The following FGF14 variants were observed in gnomAD, a reference collection of about 807,000 sequenced individuals.
FGF14 encodes fibroblast growth factor 14.
In FGF14, 5 loss-of-function variants were observed where a neutral mutation model predicts 25.5. The ratio of observed to expected loss-of-function variants is 0.20; its 90% CI spans 0.10 to 0.41. The LOEUF is 0.41. FGF14 is among the 10% of genes least tolerant of loss of function. The probability of loss-of-function intolerance (pLI) is 1.00; values close to 1 mark genes in which losing one functional copy is unlikely to be tolerated. For synonymous variants in FGF14, 138 were observed against 118.3 expected (o/e 1.17, Z -1.08); for missense variants, 222 against 320.1 (o/e 0.69, Z 2.34).
At chr13:102,308,005 G>A (rs181290857) in intron 1 of FGF14, among the ~76,000 whole-genome samples, 2 of 152,134 alleles carry the variant, frequency 1.3e-5, no homozygotes, top group African/African-American at 2.4e-5. Context: ...AAATAGTGCT[G>A]CTAAAGCCAG....
At chr13:102,157,633 G>A (rs2047407772) in intron 1 of FGF14, among the ~76,000 whole-genome samples, 1 of 152,130 alleles carries the variant, frequency 6.6e-6, no homozygotes. Flanking sequence ...AAAAGCAATG[G>A]CAACAAAAGC....
chr13:102,108,997 T>TG (rs5806267), intron 1 of FGF14, among the ~76,000 whole-genome samples: 107,300 of 152,022 alleles, frequency 0.71, 38,164 homozygotes, highest in African/African-American at 0.79. Context: ...CTAGGTTTCA[T>TG]GATGGTCATG....
chr13:102,029,022 C>T (rs956404484), intron 1 of FGF14, among the ~76,000 whole-genome samples: 3 of 151,956 alleles, frequency 2.0e-5, no homozygotes, highest in African/African-American at 4.8e-5. Flanking sequence ...CACAGCTCAT[C>T]GGTACAGAAA....
intron 1 of FGF14, among the ~76,000 whole-genome samples, chr13:102,136,184 C>T (rs904229940): frequency 6.6e-6 from 1 of 151,938 alleles, no homozygotes; most frequent in Non-Finnish European, 1.5e-5. Flanking sequence ...TTATTCATAT[C>T]TAGAATGCAA....
At chr13:102,127,400 A>G (rs2045993690) in intron 1 of FGF14, among the ~76,000 whole-genome samples, 1 of 152,146 alleles carries the variant, frequency 6.6e-6, no homozygotes, top group Non-Finnish European at 1.5e-5. Context: ...AGAAAAACCA[A>G]TGAACTTGGA....
intron 1 of FGF14, among the ~76,000 whole-genome samples, chr13:102,120,986 G>C (rs2045698984): frequency 6.6e-6 from 1 of 152,194 alleles, no homozygotes; most frequent in Admixed American, 6.5e-5. Context: ...TTACAGGCAT[G>C]AGCCACCGCG....
At chr13:101,835,040 T>C (rs943780352) in intron 3 of FGF14, among the ~76,000 whole-genome samples, 5 of 152,180 alleles carry the variant, frequency 3.3e-5, no homozygotes, top group Middle Eastern at 3.4e-3. Flanking sequence ...AGAAAGAATT[T>C]GTAAATCATG....
intron 1 of FGF14, chr13:102,373,805 T>C (rs2057955206): frequency 6.6e-6 from 1 of 152,162 alleles, no homozygotes; most frequent in African/African-American, 2.4e-5. Context: ...GAAAAACATT[T>C]TGTAGAGATC....
chr13:101,817,428 T>G (rs1277945970), intron 3 of FGF14, among the ~76,000 whole-genome samples: 2 of 152,196 alleles, frequency 1.3e-5, no homozygotes, highest in Non-Finnish European at 2.9e-5. Context: ...TTTTTGAGAC[T>G]TATCTTCAAA....
chr13:101,778,965 T>A (rs967659812), intron 3 of FGF14: 1 of 151,938 alleles, frequency 6.6e-6, no homozygotes, highest in African/African-American at 2.4e-5. Context: ...ATCACGGAAA[T>A]CAGCACATCA....
At chr13:101,990,215 G>T (rs1053792962) in intron 1 of FGF14, among the ~76,000 whole-genome samples, 12 of 152,034 alleles carry the variant, frequency 7.9e-5, no homozygotes, top group African/African-American at 2.7e-4. Flanking sequence ...CACCAAACAT[G>T]GCAGACATGG....
chr13:101,741,320 G>C (rs2036540860), intron 3 of FGF14, among the ~76,000 whole-genome samples: 1 of 152,118 alleles, frequency 6.6e-6, no homozygotes, highest in African/African-American at 2.4e-5. Flanking sequence ...TGGCAGACAG[G>C]GCAAGACTCC....
At chr13:101,803,095 G>A (rs2040982733) in intron 3 of FGF14, among the ~76,000 whole-genome samples, 1 of 150,326 alleles carries the variant, frequency 6.7e-6, no homozygotes, top group African/African-American at 2.4e-5. Context: ...AAATTGTTTG[G>A]ATTTTTTTTA....
At chr13:101,945,687 C>T (rs2035757690) in intron 1 of FGF14, among the ~76,000 whole-genome samples, 2 of 152,202 alleles carry the variant, frequency 1.3e-5, no homozygotes, top group Non-Finnish European at 2.9e-5. Flanking sequence ...CCCACAAAAC[C>T]AGGGACAGCA....
intron 1 of FGF14, among the ~76,000 whole-genome samples, chr13:102,070,258 A>C (rs987570740): frequency 1.3e-5 from 2 of 152,226 alleles, no homozygotes; most frequent in Non-Finnish European, 2.9e-5. Context: ...CATACAAATG[A>C]CAAACAGGTA....
intron 3 of FGF14, among the ~76,000 whole-genome samples, chr13:101,856,716 TATAAC>T (rs2044144016): frequency 6.6e-6 from 1 of 152,028 alleles, no homozygotes. Flanking sequence ...AGTTGTTTCT[TATAAC>T]ACAATAACTA....
In FGF14 at chr13:102,236,271, T is replaced by C. The variant is rs993603544; in HGVS notation, c.208+165200A>G. ...TGCACAAGATCTAAGAACCCTCTCT[T>C]GGGGTCTGGATCAGGACCCCTTTCT... On this transcript the variant is annotated intron_variant, in intron 1 of 4. Transcript: ENST00000376131. Among the ~76,000 whole-genome samples, 3 of 152,170 alleles carry C rather than the reference T, an allele frequency of 2.0e-5. No homozygotes were observed. In the East Asian group the frequency reaches 5.8e-4, roughly 29 times the overall value.
chr13:101,935,748 C>T (rs1273130253), intron 1 of FGF14, among the ~76,000 whole-genome samples: 1 of 152,118 alleles, frequency 6.6e-6, no homozygotes, highest in Non-Finnish European at 1.5e-5. Flanking sequence ...AATATACCAA[C>T]CAAATCCCCA....
intron 1 of FGF14, among the ~76,000 whole-genome samples, chr13:102,352,121 T>C (rs1052663652): frequency 3.3e-5 from 5 of 152,178 alleles, no homozygotes; most frequent in African/African-American, 2.4e-5. Context: ...TATATAAATA[T>C]GGCTGGGACG....
Sources: allele counts gnomAD v4.1 joint callset (sites outside exome capture counted in the v4.1 genomes callset), GRCh38; gene constraint gnomAD v4.1.1; transcripts MANE v1.5; gene names NCBI Gene and HGNC (gene_info 2026-07-23, HGNC 2026-07-21).